CRTC1: variants seen among roughly 807,000 people sequenced by gnomAD.
The protein encoded by CRTC1 is CREB regulated transcription coactivator 1.
CRTC1 carries 18 observed loss-of-function variants against 66.1 expected under a neutral mutation model. That is an observed-to-expected ratio of 0.27 (90% CI 0.19 to 0.40). CRTC1 has a LOEUF of 0.40. Among genes scored for constraint, CRTC1 ranks in the 10% least tolerant of loss-of-function variants. CRTC1 has a pLI of 1.00. For missense variants in CRTC1, 669 were observed against 887.9 expected (o/e 0.75, Z 3.13); for synonymous variants, 416 against 398.8 (o/e 1.04, Z -0.51).
At chr19:18,720,158 TTTTTG>T (rs890904514) in intron 1 of CRTC1, among the ~76,000 whole-genome samples, 18 of 152,102 alleles carry the variant, frequency 1.2e-4, no homozygotes, top group Non-Finnish European at 1.6e-4. Context: ...AAAGTGAGTT[TTTTTG>T]TTTTGTTTTG....
At chr19:18,769,106 C>T (rs569259800) in intron 10 of CRTC1, among the ~76,000 whole-genome samples, 157 of 152,286 alleles carry the variant, frequency 1.0e-3, no homozygotes, top group Non-Finnish European at 1.9e-3. Flanking sequence ...GCCAGGCTTC[C>T]TAGGAGGCAA....
At position 18,771,035 on chromosome 19, in the gene CRTC1, G is replaced by A. The variant is rs1182672516; in HGVS notation, c.1321-407G>A. ...ATGTGTGGATATGTGCACATGTGTGGGTGTGCATGTGTGGGTATGTATATT... is the reference window on the plus strand; with the variant it reads ...ATGTGTGGATATGTGCACATGTGTGAGTGTGCATGTGTGGGTATGTATATT... On this transcript the variant is annotated intron_variant, in intron 10 of 13. Coordinates refer to ENST00000321949, the MANE Select transcript of CRTC1 (RefSeq NM_015321.3). This position sits in a 1 kb window ranked among gnomAD's most constrained non-coding sequence, Gnocchi z 4.6. 6.6e-6 allele frequency among the ~76,000 whole-genome samples: 1 copy of A among 150,918 alleles called. No individual in the cohort carries two copies. Among genetic ancestry groups the A allele is most frequent in the African/African-American group, 2.4e-5 (1 of 40,974 alleles).
chr19:18,756,037 T>TA (rs1311680296), intron 6 of CRTC1, among the ~76,000 whole-genome samples: 2 of 151,280 alleles, frequency 1.3e-5, no homozygotes, highest in Non-Finnish European at 2.9e-5. Context: ...AAAAAAACTT[T>TA]AAAAAAGAAC....
intron 1 of CRTC1, among the ~76,000 whole-genome samples, chr19:18,703,392 C>A (rs369733961): frequency 2.6e-4 from 40 of 152,242 alleles, no homozygotes; most frequent in African/African-American, 7.7e-4. Context: ...CCGGATTGCT[C>A]CTTTAAGCAC....
chr19:18,777,486 A>G lies in CRTC1; in HGVS notation c.*104A>G. On this transcript the variant is annotated 3_prime_UTR_variant, in exon 14 of 14. Transcript: ENST00000321949. The surrounding 1 kb of genome is among the most constrained non-coding windows in gnomAD (Gnocchi z 5.5). ...GCCAACGGCCGAGCTTGTGATTCTG[A>G]GCTTGCAATGCCGCCAAGCGCCCCC... is the stretch of plus-strand genomic sequence containing the variant. The G allele has an allele frequency of 8.9e-7, 1 of 1,117,458 alleles. No homozygotes were observed. The highest frequency in any genetic ancestry group is 1.3e-6 in the Non-Finnish European group (1 of 749,908). 69.2% of individuals were successfully genotyped at this position (1,117,458 alleles called of 1,614,324 possible).
intron 1 of CRTC1, among the ~76,000 whole-genome samples, chr19:18,687,011 C>CTTTTTT (rs35032428): frequency 2.9e-5 from 3 of 103,430 alleles, no homozygotes; most frequent in South Asian, 3.3e-4. Context: ...GACTGAGAAA[C>CTTTTTT]TTTTTTTTTT....
At chr19:18,721,483 A>G (rs1427169324) in intron 1 of CRTC1, among the ~76,000 whole-genome samples, 4 of 129,150 alleles carry the variant, frequency 3.1e-5, no homozygotes, top group South Asian at 2.5e-4. Flanking sequence ...ATGAGCCACC[A>G]CACCCGGCCT....
rs12980851 is a variant in CRTC1 at position 18,771,394 on chromosome 19, G to A, written c.1321-48G>A. 0.063 allele frequency: 94,925 copies of A among 1,516,426 alleles called. 3,494 individuals carry two copies. The highest frequency in any genetic ancestry group is 0.072 in the Non-Finnish European group (80,455 of 1,113,820). The allele number at this position is 1,516,426 out of a possible 1,614,324, so 93.9% of individuals were successfully genotyped here. On this transcript the variant is annotated intron_variant, in intron 10 of 13. Coordinates refer to ENST00000321949, the MANE Select transcript of CRTC1 (RefSeq NM_015321.3). This position sits in a 1 kb window ranked among gnomAD's most constrained non-coding sequence, Gnocchi z 4.6. ...TCCCGGGAAGCAGGGACTGGAGCCC[G>A]GGCTTGGGCAGCTGGGCTGCGGCGT...
chr19:18,693,168 A>G (rs1268774577), intron 1 of CRTC1, among the ~76,000 whole-genome samples: 3 of 151,592 alleles, frequency 2.0e-5, no homozygotes, highest in Non-Finnish European at 4.4e-5. Context: ...AGGTGGGCAG[A>G]TCACGAGGTC....
In CRTC1 at chr19:18,769,497, A is replaced by G. The variant is rs536170114; in HGVS notation, c.1320+704A>G. ...GCCCCAGGCTAAATGTCCTCCAAACATTGTGTGCTCTGCAAAGAACAGCCG... is the reference window on the plus strand; with the variant it reads ...GCCCCAGGCTAAATGTCCTCCAAACGTTGTGTGCTCTGCAAAGAACAGCCG... On this transcript the variant is annotated intron_variant, in intron 10 of 13. Coordinates refer to ENST00000321949, the MANE Select transcript of CRTC1 (RefSeq NM_015321.3). Among the ~76,000 whole-genome samples the G allele has an allele frequency of 5.9e-5, 9 of 152,284 alleles. No homozygotes were observed. In the East Asian group the frequency reaches 1.7e-3, roughly 29 times the overall value.
chr19:18,730,819 A>C (rs1202405359), intron 1 of CRTC1, among the ~76,000 whole-genome samples: 2 of 151,960 alleles, frequency 1.3e-5, no homozygotes, highest in East Asian at 3.9e-4. Context: ...CCCAGAAGCC[A>C]CCAGTGGCCC....
chr19:18,688,099 G>C (rs951971619), intron 1 of CRTC1, among the ~76,000 whole-genome samples: 2 of 152,122 alleles, frequency 1.3e-5, no homozygotes, highest in African/African-American at 4.8e-5. Flanking sequence ...CAGGGCATAC[G>C]GGGCTGTGTT....
At chr19:18,746,573 C>T (rs1280063544) in intron 3 of CRTC1, among the ~76,000 whole-genome samples, 2 of 151,752 alleles carry the variant, frequency 1.3e-5, no homozygotes, top group African/African-American at 4.8e-5. Context: ...TCCCGGGATC[C>T]CCCGGCTCTC....
intron 1 of CRTC1, among the ~76,000 whole-genome samples, chr19:18,696,978 C>G (rs1468049530): frequency 6.6e-6 from 1 of 152,034 alleles, no homozygotes; most frequent in Non-Finnish European, 1.5e-5. Context: ...TGGGATAGAA[C>G]ACACCCCCAC....
chr19:18,695,725 C>T (rs985186337), intron 1 of CRTC1, among the ~76,000 whole-genome samples: 48 of 152,124 alleles, frequency 3.2e-4, no homozygotes, highest in African/African-American at 1.1e-3. Context: ...ATTGGCTGGG[C>T]GTGGTGGTGG....
At chr19:18,762,522 C>T (rs1270256321) in intron 8 of CRTC1, among the ~76,000 whole-genome samples, 7 of 152,340 alleles carry the variant, frequency 4.6e-5, no homozygotes, top group African/African-American at 1.2e-4. Flanking sequence ...CCTTCGCGGC[C>T]GAGGAGACAG....
intron 1 of CRTC1, among the ~76,000 whole-genome samples, chr19:18,711,906 A>G (rs549131004): frequency 6.6e-6 from 1 of 152,178 alleles, no homozygotes; most frequent in Non-Finnish European, 1.5e-5. Flanking sequence ...TTTCTCCTTT[A>G]TACTTTTTTC....
chr19:18,753,107 T>TA (rs941256733), intron 5 of CRTC1, among the ~76,000 whole-genome samples: 3 of 149,990 alleles, frequency 2.0e-5, no homozygotes, highest in Admixed American at 6.6e-5. Flanking sequence ...CTACTAAAAA[T>TA]AAAAAAAATA....
intron 1 of CRTC1, among the ~76,000 whole-genome samples, chr19:18,721,278 C>G (rs1426492750): frequency 6.6e-6 from 1 of 151,406 alleles, no homozygotes; most frequent in Non-Finnish European, 1.5e-5. Context: ...ACTGCAAGCT[C>G]CGCCTCCTGG....
Sources: gnomAD v4.1 joint callset for allele counts (sites outside exome capture counted in the v4.1 genomes callset) on GRCh38, gnomAD v4.1.1 for gene constraint, Gnocchi (gnomAD v3.1) non-coding constraint, MANE v1.5 for transcripts, NCBI Gene and HGNC (gene_info 2026-07-23, HGNC 2026-07-21) for gene names.